The following NAV1 variants were observed in gnomAD, a reference collection of about 807,000 sequenced individuals.
NAV1 encodes the protein pore membrane and/or filament interacting like protein 3.
NAV1 carries 18 observed loss-of-function variants against 175.2 expected under a neutral mutation model. That is an observed-to-expected ratio of 0.10 (90% CI 0.07 to 0.15). The LOEUF is 0.15. Among genes scored for constraint, NAV1 ranks in the 10% least tolerant of loss-of-function variants. NAV1 has a pLI of 1.00. For synonymous variants in NAV1, 897 were observed against 978.7 expected, an observed-to-expected ratio of 0.92 and a Z score of 1.56; for missense variants, 1,731 against 2,436.6, an observed-to-expected ratio of 0.71 and a Z score of 6.10.
intron 2 of NAV1, among the ~76,000 whole-genome samples, chr1:201,597,400 G>A (rs1356280958): frequency 1.3e-5 from 2 of 152,178 alleles, no homozygotes; most frequent in East Asian, 1.9e-4. Context: ...CTTCCCCTCC[G>A]GCCTCACTCT....
intron 3 of NAV1, among the ~76,000 whole-genome samples, chr1:201,769,559 A>G (rs1319467838): frequency 6.6e-6 from 1 of 151,934 alleles, no homozygotes; most frequent in African/African-American, 2.4e-5. Context: ...TTTTTTCATG[A>G]TTGATTTGGG....
chr1:201,814,451 G>A (rs1558196051), intron 28 of NAV1, among the ~76,000 whole-genome samples: 1 of 151,942 alleles, frequency 6.6e-6, no homozygotes, highest in East Asian at 1.9e-4. Context: ...AACCACCTCA[G>A]TTTTCTTACC....
chr1:201,803,822 T>A, intron 16 of NAV1, 108 bp downstream of exon 20: 1 of 1,385,774 alleles, frequency 7.2e-7, no homozygotes, highest in Non-Finnish European at 9.8e-7. Flanking sequence ...TAGTCCCGTC[T>A]AACACTGAGC....
chr1:201,646,392 G>T (rs1406910741), upstream of NAV1, among the ~76,000 whole-genome samples: 1 of 152,160 alleles, frequency 6.6e-6, no homozygotes, highest in Non-Finnish European at 1.5e-5. Flanking sequence ...ACCCATGTCC[G>T]TCTACCTGAG....
intron 2 of NAV1, among the ~76,000 whole-genome samples, chr1:201,603,958 GTGA>G (rs1667597611): frequency 6.6e-6 from 1 of 152,198 alleles, no homozygotes; most frequent in African/African-American, 2.4e-5. Context: ...AAATAACCGT[GTGA>G]TTGAGCACTT....
At chr1:201,754,901 A>G (rs1674358269) in intron 3 of NAV1, among the ~76,000 whole-genome samples, 2 of 152,236 alleles carry the variant, frequency 1.3e-5, no homozygotes, top group Admixed American at 1.3e-4. Context: ...AAATTTACAT[A>G]ATTTGTCTCA....
rs116091663 is a variant in NAV1 at position 201,761,718 on chromosome 1, C to T, written c.1227-18703C>T. ...ATGGTTTTTGCTTCTGTCAACCCTACATAAGTCATTCCATCCCACTTTAAG... is the reference window on the plus strand; with the variant it reads ...ATGGTTTTTGCTTCTGTCAACCCTATATAAGTCATTCCATCCCACTTTAAG... On this transcript the variant is annotated intron_variant, in intron 3 of 29. Coordinates refer to ENST00000367296, the Ensembl canonical transcript of NAV1. Among the ~76,000 whole-genome samples, 802 of 152,358 alleles carry T rather than the reference C, an allele frequency of 5.3e-3. 13 individuals carry two copies. Among genetic ancestry groups the T allele is most frequent in the African/African-American group, 0.018 (767 of 41,576 alleles).
intron 1 of NAV1, among the ~76,000 whole-genome samples, chr1:201,666,839 G>A (rs1488504982): frequency 6.6e-6 from 1 of 152,162 alleles, no homozygotes; most frequent in Non-Finnish European, 1.5e-5. Flanking sequence ...GGGAAGTATG[G>A]GGCTCTGTGT....
At chr1:201,785,788 C>CTTTTTTTTTTT (rs34841837) in intron 8 of NAV1, among the ~76,000 whole-genome samples, 1 of 99,568 alleles carries the variant, frequency 1.0e-5, no homozygotes, top group Non-Finnish European at 1.9e-5. Flanking sequence ...ACTATTGCAA[C>CTTTTTTTTTTT]TTTTTTTTTT....
At chr1:201,577,253 A>T (rs954252296) in intron 1 of NAV1, among the ~76,000 whole-genome samples, 1 of 152,222 alleles carries the variant, frequency 6.6e-6, no homozygotes, top group South Asian at 2.1e-4. Context: ...GTCTTTTGTA[A>T]CATTGTAACA....
At chr1:201,587,962 G>C (rs890715219) in intron 1 of NAV1, among the ~76,000 whole-genome samples, 1 of 152,224 alleles carries the variant, frequency 6.6e-6, no homozygotes, top group African/African-American at 2.4e-5. Flanking sequence ...GAGATTGTTA[G>C]TGGAAATGTA....
chr1:201,748,964 A>G (rs1038361801), intron 3 of NAV1, among the ~76,000 whole-genome samples: 3 of 152,294 alleles, frequency 2.0e-5, no homozygotes, highest in Non-Finnish European at 4.4e-5. Context: ...CCTGGCCAAC[A>G]TGACGAAACC....
Position 201,635,183 on chromosome 1 carries a change from C to T in NAV1, c.4+5676C>T, listed in dbSNP as rs189531648. Reference sequence around the variant, plus strand: ...CCTCCCAAGTAGCTGGGACTACAGACGTCCACCACCACACCTGGCTATCTT... The same window carrying T: ...CCTCCCAAGTAGCTGGGACTACAGATGTCCACCACCACACCTGGCTATCTT... On this transcript the variant is annotated intron_variant, in intron 2 of 29. Transcript: ENST00000367302. Among the ~76,000 whole-genome samples the T allele has an allele frequency of 2.0e-3, 300 of 151,920 alleles. 5 individuals are homozygous for T. The highest frequency in any genetic ancestry group is 5.4e-4 in the Non-Finnish European group (37 of 67,970).
At chr1:201,577,841 C>T (rs614400) in intron 1 of NAV1, among the ~76,000 whole-genome samples, 7,647 of 152,202 alleles carry the variant, frequency 0.05, 463 homozygotes, top group East Asian at 0.16. Context: ...TTCTGTCCTC[C>T]GTGGTTTCCA....
chr1:201,550,198 G>A (rs1665814119), intron 1 of NAV1, among the ~76,000 whole-genome samples: 1 of 151,946 alleles, frequency 6.6e-6, no homozygotes, highest in African/African-American at 2.4e-5. Flanking sequence ...AAGAGACGGG[G>A]TCTTAACCTG....
In NAV1 at chr1:201,808,188, C is replaced by A; in HGVS notation, c.3845+39C>A. The A allele has an allele frequency of 6.2e-7, 1 of 1,605,764 alleles. No homozygotes were observed. Among genetic ancestry groups the A allele is most frequent in the Non-Finnish European group, 8.5e-7 (1 of 1,173,628 alleles). ...GGCTCCCTGCCACCCAGCCTGTTAC[C>A]AGTGTAAGCTGTGGGCTAGAGTTGA... On this transcript the variant is annotated intron_variant, in intron 18 of 29. Transcript: ENST00000367296. This position sits in a 1 kb window ranked among gnomAD's most constrained non-coding sequence, Gnocchi z 5.5.
intron 2 of NAV1, among the ~76,000 whole-genome samples, chr1:201,592,403 G>T (rs7530401): frequency 0.08 from 12,192 of 152,158 alleles, 640 homozygotes; most frequent in East Asian, 0.23. Context: ...CAGGCTCCTA[G>T]CACCACCCCT....
chr1:201,674,791 C>G (rs1317431815), intron 1 of NAV1, among the ~76,000 whole-genome samples: 1 of 152,212 alleles, frequency 6.6e-6, no homozygotes, highest in Admixed American at 6.5e-5. Context: ...AATCTCAGCA[C>G]TCTGGGAGGC....
At chr1:201,773,806 C>G (rs772716043) in intron 3 of NAV1, among the ~76,000 whole-genome samples, 1 of 152,176 alleles carries the variant, frequency 6.6e-6, no homozygotes, top group African/African-American at 2.4e-5. Flanking sequence ...TAATTTACCT[C>G]TATAATCTGT....
Sources: gnomAD v4.1 joint callset for allele counts (sites outside exome capture counted in the v4.1 genomes callset) on GRCh38, gnomAD v4.1.1 for gene constraint, Gnocchi (gnomAD v3.1) non-coding constraint, MANE v1.5 for transcripts, NCBI Gene and HGNC (gene_info 2026-07-23, HGNC 2026-07-21) for gene names.